MTHFD1: variants seen among roughly 807,000 people sequenced by gnomAD.
The protein encoded by MTHFD1 is methylenetetrahydrofolate dehydrogenase, cyclohydrolase and formyltetrahydrofolate synthetase 1.
A neutral mutation model predicts 110.3 loss-of-function variants in MTHFD1; 44 were observed. That is an observed-to-expected ratio of 0.40 (90% CI 0.31 to 0.51). MTHFD1 has a LOEUF of 0.51. MTHFD1 is among the 20% of genes least tolerant of loss of function. The pLI, the probability that MTHFD1 is intolerant of heterozygous loss-of-function variation, is 0.60. For synonymous variants in MTHFD1, 402 were observed against 428.8 expected, an observed-to-expected ratio of 0.94 and a Z score of 0.77; for missense variants, 909 against 1,173.1, an observed-to-expected ratio of 0.77 and a Z score of 3.29.
intron 7 of MTHFD1, chr14:64,419,368 ATG>A (rs1324863800): frequency 1.3e-5 from 2 of 149,854 alleles, no homozygotes; most frequent in African/African-American, 1.2e-4. Context: ...GAGCCCAAGA[ATG>A]CGCACACACA....
chr14:64,440,274 C>T lies in MTHFD1; in HGVS notation c.1815+8C>T. The T allele has an allele frequency of 3.7e-6, 6 of 1,614,138 alleles. No homozygotes were observed. Among genetic ancestry groups the T allele is most frequent in the Non-Finnish European group, 5.1e-6 (6 of 1,180,000 alleles). On this transcript the variant is annotated splice_region_variant and intron_variant, in intron 18 of 27. Transcript: ENST00000652337. Reference sequence around the variant, plus strand: ...GTCAGTGCCGAAGATCTGGTGGGTACCCAGACACGCCAGGCTTGGCGACAT... The same window carrying T: ...GTCAGTGCCGAAGATCTGGTGGGTATCCAGACACGCCAGGCTTGGCGACAT...
chr14:64,435,422 C>T (rs2078198643), intron 15 of MTHFD1, 147 bp from the exon 16 acceptor site: 1 of 673,076 alleles, frequency 1.5e-6, no homozygotes, highest in Non-Finnish European at 2.7e-6. Context: ...GAAATAACCC[C>T]CAGCTTTCAG....
At position 64,424,823 on chromosome 14, in the gene MTHFD1, G is replaced by C. The variant is rs1379049353; in HGVS notation, c.747G>C (p.Gly249=). Residue 249 remains glycine, a synonymous_variant, in exon 9 of 28, where the codon GGG becomes GGC. Transcript: ENST00000652337. ...NYVPDDKKPN[G]RKVVGDVAYD... ...GACCAGATGATAAAAAACCAAATGG[G>C]AGAAAAGTTGTGGGTGATGTGGCAT... 4 of 1,614,112 alleles carry C rather than the reference G, an allele frequency of 2.5e-6. No homozygotes were observed. The highest frequency in any genetic ancestry group is 3.3e-5 in the Admixed American group (2 of 59,980).
intron 12 of MTHFD1, 90 bp downstream of exon 12, chr14:64,427,563 GTCT>G: frequency 7.8e-7 from 1 of 1,277,418 alleles, no homozygotes; most frequent in Non-Finnish European, 1.1e-6. Context: ...TACTTATGGG[GTCT>G]TCAACTCATT....
chr14:64,452,467 A>C (rs1017207829), intron 24 of MTHFD1, among the ~76,000 whole-genome samples: 5 of 152,188 alleles, frequency 3.3e-5, no homozygotes, highest in African/African-American at 1.2e-4. Flanking sequence ...TAATGCCCTG[A>C]ACTAGTCTAC....
intron 13 of MTHFD1, 143 bp downstream of exon 13, chr14:64,430,373 A>G: frequency 1.3e-6 from 1 of 769,206 alleles, no homozygotes; most frequent in Non-Finnish European, 2.3e-6. Context: ...ATCTCGGCTC[A>G]CTGCAACCTC....
chr14:64,431,542 A>C lies in MTHFD1; in HGVS notation c.1322A>C (p.His441Pro). 6.2e-7 allele frequency: 1 copy of C among 1,613,850 alleles called. No individual in the cohort carries two copies. Among genetic ancestry groups the C allele is most frequent in the Non-Finnish European group, 8.5e-7 (1 of 1,179,816 alleles). The change falls in exon 14 of 28, where the codon CAC becomes CCC. Residue 441 changes from histidine (H) to proline (P), a missense_variant. By Grantham distance (77) the His-to-Pro change is moderately conservative. Transcript: ENST00000652337. Reference protein sequence around the residue: ...QVIPMEEFNLHLTGDIHAITA... With the variant: ...QVIPMEEFNLPLTGDIHAITA... ...TCTGTTCTTTTGTAGTTTAATCTCC[A>C]CCTCACAGGTGACATCCATGCCATC...
intron 15 of MTHFD1, among the ~76,000 whole-genome samples, chr14:64,434,033 A>C (rs1051109825): frequency 1.3e-5 from 2 of 152,014 alleles, no homozygotes; most frequent in African/African-American, 4.8e-5. Flanking sequence ...GTCTCAAAAA[A>C]AATTGGGTTT....
At chr14:64,438,308 G>A (rs570946097) in intron 16 of MTHFD1, among the ~76,000 whole-genome samples, 1 of 152,260 alleles carries the variant, frequency 6.6e-6, no homozygotes, top group South Asian at 2.1e-4. Context: ...CCTACCATAA[G>A]TAACTTATTA....
chr14:64,437,572 G>A (rs1340848333), intron 16 of MTHFD1, among the ~76,000 whole-genome samples: 1 of 152,184 alleles, frequency 6.6e-6, no homozygotes, highest in East Asian at 1.9e-4. Context: ...GTCTGGAGCA[G>A]ATCCTACAGG....
intron 26 of MTHFD1, 86 bp downstream of exon 26, chr14:64,454,961 T>G (rs1334322426): frequency 7.2e-7 from 1 of 1,393,928 alleles, no homozygotes; most frequent in African/African-American, 1.4e-5. Flanking sequence ...AAATGCCAAG[T>G]GAGCAGAGTT....
intron 8 of MTHFD1, among the ~76,000 whole-genome samples, chr14:64,423,820 G>A (rs1016949332): frequency 2.0e-5 from 3 of 151,346 alleles, no homozygotes; most frequent in Non-Finnish European, 2.9e-5. Flanking sequence ...TCCGCCCCCC[G>A]GGTTCATGCC....
intron 1 of MTHFD1, among the ~76,000 whole-genome samples, chr14:64,397,748 C>T (rs1010959793): frequency 2.0e-5 from 3 of 152,216 alleles, no homozygotes; most frequent in Admixed American, 1.3e-4. Context: ...GTATTTTAAT[C>T]ATGTAAATTT....
At position 64,441,258 on chromosome 14, in the gene MTHFD1, A is replaced by G. The variant is rs543293770; in HGVS notation, c.1816-127A>G. 5.2e-5 allele frequency: 45 copies of G among 858,414 alleles called. No individual in the cohort carries two copies. In the South Asian group the frequency reaches 5.9e-4, roughly 11 times the overall value. The allele number at this position is 858,414 out of a possible 1,614,324, so 53.2% of individuals were successfully genotyped here. On this transcript the variant is annotated intron_variant, in intron 18 of 27. Coordinates refer to ENST00000652337, the MANE Select transcript of MTHFD1 (RefSeq NM_005956.4). ...CCAGAAAAAAACCATGAATGGTCCA[A>G]TTCAGGTGAAAGTATCAATTGGTCC...
chr14:64,424,678 A>T, intron 8 of MTHFD1, 126 bp from the exon 9 acceptor site: 2 of 1,006,100 alleles, frequency 2.0e-6, no homozygotes, highest in Non-Finnish European at 3.1e-6. Context: ...CATAGCTTTT[A>T]AGTTAAGTAG....
intron 12 of MTHFD1, 36 bp downstream of exon 12, chr14:64,427,509 G>T (rs1199732508): frequency 4.3e-6 from 7 of 1,611,718 alleles, no homozygotes; most frequent in Non-Finnish European, 5.9e-6. Context: ...GGTGACAGGG[G>T]ACCTGCTTCT....
chr14:64,420,025 G>GT, intron 8 of MTHFD1, 100 bp downstream of exon 8: 1 of 872,030 alleles, frequency 1.1e-6, no homozygotes, highest in South Asian at 1.4e-5. Context: ...TTTTATGCTT[G>GT]TAGTACTAAG....
rs1462855160 is a variant in MTHFD1, at chr14:64,417,171, C to T, written c.479-717C>T. 6.6e-6 allele frequency among the ~76,000 whole-genome samples: 1 copy of T among 152,090 alleles called. No homozygotes were observed. The highest frequency in any genetic ancestry group is 1.5e-5 in the Non-Finnish European group (1 of 68,030). ...CCTACAGCCTGGTTCCATCCTCATG[C>T]CTAACAGTCATGGGATTGGATCTTA... On this transcript the variant is annotated intron_variant, in intron 6 of 27. Coordinates refer to ENST00000652337, the MANE Select transcript of MTHFD1 (RefSeq NM_005956.4). The surrounding 1 kb of genome is among the most constrained non-coding windows in gnomAD (Gnocchi z 4.4).
At chr14:64,409,739 C>T (rs578146558) in intron 2 of MTHFD1, among the ~76,000 whole-genome samples, 2 of 152,302 alleles carry the variant, frequency 1.3e-5, no homozygotes, top group South Asian at 2.1e-4. Flanking sequence ...AAGGACTCTT[C>T]TGGCTCTTGC....
Sources: allele counts gnomAD v4.1 joint callset (sites outside exome capture counted in the v4.1 genomes callset), GRCh38; gene constraint gnomAD v4.1.1; non-coding constraint Gnocchi (gnomAD v3.1); transcripts MANE v1.5; gene names NCBI Gene and HGNC (gene_info 2026-07-23, HGNC 2026-07-21).